FAM234A: variants seen among roughly 807,000 people sequenced by gnomAD.
FAM234A encodes family with sequence similarity 234 member A.
A neutral mutation model predicts 49.1 loss-of-function variants in FAM234A; 42 were observed. That is an observed-to-expected ratio of 0.86 (90% CI 0.67 to 1.11). FAM234A has a LOEUF of 1.11. Among genes scored for constraint, FAM234A ranks in the 50% least tolerant of loss-of-function variants. The pLI, the probability that FAM234A is intolerant of heterozygous loss-of-function variation, is 0.00. For missense variants in FAM234A, 815 were observed against 745.2 expected, an observed-to-expected ratio of 1.09 and a Z score of -1.09; for synonymous variants, 369 against 316.2, an observed-to-expected ratio of 1.17 and a Z score of -1.77.
chr16:260,824 T>A (rs2051434746), intron 5 of FAM234A: 1 of 375,260 alleles, frequency 2.7e-6, no homozygotes, highest in Admixed American at 3.4e-5. Context: ...TAAAAAAAGG[T>A]TTGGATGAGA....
chr16:260,726 A>G (rs2051430963), intron 5 of FAM234A: 2 of 447,400 alleles, frequency 4.5e-6, no homozygotes, highest in Non-Finnish European at 9.5e-6. Flanking sequence ...GTGAATGTTC[A>G]TATTTCCCTT....
At position 265,136 on chromosome 16, in the gene FAM234A, T is replaced by C. The variant is rs2051648585; in HGVS notation, c.*114T>C. The stretch of plus-strand genomic sequence containing the variant: ...ACTCCCCCACTCCTGACCCTGGTGA[T>C]GGTCGCCACTGGGCAGCAGCAGCCT... On this transcript the variant is annotated 3_prime_UTR_variant, in exon 13 of 13. Transcript: ENST00000399932. 1 of 1,453,952 alleles carries C rather than the reference T, an allele frequency of 6.9e-7. No homozygotes were observed. The highest frequency in any genetic ancestry group is 1.4e-5 in the African/African-American group (1 of 70,584). The allele number at this position is 1,453,952 out of a possible 1,614,324, so 90.1% of individuals were successfully genotyped here.
At chr16:259,441 A>T in intron 3 of FAM234A, 42 bp from the exon 4 acceptor site, 1 of 1,158,708 alleles carries the variant, frequency 8.6e-7, no homozygotes, top group Non-Finnish European at 1.3e-6. Flanking sequence ...CCTGGAAACC[A>T]GGCATGGCCC....
chr16:265,662 TC>T lies in FAM234A; in HGVS notation c.*645del. ...TGTGAGGAAGCCTGGAGCAAGGGTC[TC>T]CCCCAGCAGGATGGGTGGGGCCTGC... On this transcript the variant is annotated 3_prime_UTR_variant, in exon 13 of 13. Transcript: ENST00000399932. 1.0e-6 allele frequency: 1 copy of T among 985,388 alleles called. No individual in the cohort carries two copies. The highest frequency in any genetic ancestry group is 1.2e-6 in the Non-Finnish European group (1 of 829,980). 61.0% of individuals were successfully genotyped at this position (985,388 alleles called of 1,614,324 possible).
downstream of FAM234A, chr16:268,940 C>T: frequency 1.3e-6 from 2 of 1,550,376 alleles, no homozygotes; most frequent in Non-Finnish European, 1.7e-6. Context: ...GGGATGGGCA[C>T]CCAGTGCTGG....
chr16:263,694 T>G lies in FAM234A; in HGVS notation c.1113-6T>G. 4 of 1,612,262 alleles carry G rather than the reference T, an allele frequency of 2.5e-6. No individual in the cohort carries two copies. The highest frequency in any genetic ancestry group is 3.4e-6 in the Non-Finnish European group (4 of 1,178,340). On this transcript the variant is annotated splice_region_variant and splice_polypyrimidine_tract_variant and intron_variant, in intron 9 of 12. Transcript: ENST00000399932. ...CCTCGTGAGCGCTTCCTCCATATTG[T>G]TCCAGAAAACCCATCTTCGGCCGCT...
chr16:257,469 C>G (rs1408778821), intron 3 of FAM234A, among the ~76,000 whole-genome samples: 1 of 151,798 alleles, frequency 6.6e-6, no homozygotes, highest in Admixed American at 6.6e-5. Context: ...TGGTCTCAAA[C>G]TCTTGACCTC....
At chr16:236,946 T>C (rs1487690841) in intron 1 of FAM234A, among the ~76,000 whole-genome samples, 3 of 151,302 alleles carry the variant, frequency 2.0e-5, no homozygotes, top group Non-Finnish European at 4.4e-5. Context: ...TTTGTAGGGA[T>C]GGGGTCTCTC....
At chr16:252,086 G>T (rs117318162) in intron 2 of FAM234A, among the ~76,000 whole-genome samples, 4 of 149,484 alleles carry the variant, frequency 2.7e-5, no homozygotes, top group Admixed American at 1.3e-4. Context: ...CTGCAGCCTC[G>T]AGCAATCCTC....
intron 3 of FAM234A, among the ~76,000 whole-genome samples, chr16:257,604 C>G (rs937067642): frequency 6.6e-6 from 1 of 151,864 alleles, no homozygotes; most frequent in Non-Finnish European, 1.5e-5. Context: ...AGATTTTTCC[C>G]GTTTTTTTTT....
intron 8 of FAM234A, 103 bp downstream of exon 8, chr16:262,656 C>CT: frequency 8.0e-7 from 1 of 1,256,002 alleles, no homozygotes; most frequent in East Asian, 2.8e-5. Context: ...AGAGCAGCCC[C>CT]ACCGGCAGGG....
At chr16:255,871 C>G (rs2051211516) in intron 3 of FAM234A, among the ~76,000 whole-genome samples, 1 of 152,180 alleles carries the variant, frequency 6.6e-6, no homozygotes, top group South Asian at 2.1e-4. Context: ...CCGTGTTGGT[C>G]AGGCTGGTCT....
At chr16:263,646 A>G in intron 9 of FAM234A, 54 bp from the exon 10 acceptor site, 1 of 1,435,578 alleles carries the variant, frequency 7.0e-7, no homozygotes, top group African/African-American at 1.4e-5. Context: ...TGCTTCCTTC[A>G]TCTCAGTCTC....
In FAM234A at chr16:262,558, G is replaced by A. The variant is rs758782396; in HGVS notation, c.971+5G>A. 37 of 1,584,410 alleles carry A rather than the reference G, an allele frequency of 2.3e-5. No homozygotes were observed. Among genetic ancestry groups the A allele is most frequent in the Middle Eastern group, 1.8e-4 (1 of 5,692 alleles). Reference sequence around the variant, plus strand: ...CCGCAGGATGCTTTCCCACAGGTGGGTCCGGGCCGCAGCCTTTCTCCATGC... The same window carrying A: ...CCGCAGGATGCTTTCCCACAGGTGGATCCGGGCCGCAGCCTTTCTCCATGC... On this transcript the variant is annotated splice_donor_5th_base_variant and intron_variant, in intron 8 of 12. Transcript: ENST00000399932.
At chr16:246,104 A>C (rs1352133342) in intron 1 of FAM234A, among the ~76,000 whole-genome samples, 2 of 151,136 alleles carry the variant, frequency 1.3e-5, no homozygotes, top group Non-Finnish European at 2.9e-5. Context: ...AGTCCCAGCC[A>C]CTCAGGAGGC....
At chr16:256,294 A>C (rs1438418638) in intron 3 of FAM234A, among the ~76,000 whole-genome samples, 1 of 152,228 alleles carries the variant, frequency 6.6e-6, no homozygotes, top group African/African-American at 2.4e-5. Context: ...TGTTTTCTAA[A>C]GCGACTGCAC....
chr16:267,778 CCA>C (rs1375419026), downstream of FAM234A, among the ~76,000 whole-genome samples: 1 of 134,882 alleles, frequency 7.4e-6, no homozygotes, highest in Non-Finnish European at 1.5e-5. Flanking sequence ...CGTGCACACA[CCA>C]CACATGCCTC....
At chr16:242,892 G>A (rs1567208718) in intron 1 of FAM234A, among the ~76,000 whole-genome samples, 1 of 151,856 alleles carries the variant, frequency 6.6e-6, no homozygotes, top group Non-Finnish European at 1.5e-5. Context: ...GATTACAGGC[G>A]TGAGCTACCA....
chr16:252,147 GC>G (rs2051041033), intron 2 of FAM234A, among the ~76,000 whole-genome samples: 12 of 150,424 alleles, frequency 8.0e-5, no homozygotes, highest in Admixed American at 7.9e-4. Flanking sequence ...ACAGGCATGA[GC>G]CACCGTGCTG....
Sources: allele counts gnomAD v4.1 joint callset (sites outside exome capture counted in the v4.1 genomes callset), GRCh38; gene constraint gnomAD v4.1.1; transcripts MANE v1.5; gene names NCBI Gene and HGNC (gene_info 2026-07-23, HGNC 2026-07-21).